Variants in MDGA2 observed in about 807,000 individuals in gnomAD.
MDGA2 encodes the protein MAM domain containing glycosylphosphatidylinositol anchor 2.
In MDGA2, 40 loss-of-function variants were observed where a neutral mutation model predicts 117.8. That is an observed-to-expected ratio of 0.34 (90% CI 0.26 to 0.44). MDGA2 has a LOEUF of 0.44. Among genes scored for constraint, MDGA2 ranks in the 20% least tolerant of loss-of-function variants. The probability of loss-of-function intolerance (pLI) is 1.00; values close to 1 mark genes in which losing one functional copy is unlikely to be tolerated. For missense variants in MDGA2, 1,123 were observed against 1,250.6 expected (o/e 0.90, Z 1.54); for synonymous variants, 452 against 439.0 (o/e 1.03, Z -0.37).
intron 1 of MDGA2, among the ~76,000 whole-genome samples, chr14:47,330,268 A>C (rs1890256513): frequency 6.6e-6 from 1 of 151,938 alleles, no homozygotes; most frequent in African/African-American, 2.4e-5. Context: ...GCTGATACAC[A>C]TTTCAAGAAT....
chr14:47,347,317 A>C (rs532528619), intron 1 of MDGA2, among the ~76,000 whole-genome samples: 34 of 152,204 alleles, frequency 2.2e-4, no homozygotes, highest in Non-Finnish European at 4.3e-4. Context: ...CTGAGGCAAT[A>C]ATGCCCGTAT....
rs182033392 is a variant in MDGA2 at position 47,301,467 on chromosome 14, G to T, written c.364C>A (p.Arg122=). The T allele has an allele frequency of 6.4e-7, 1 of 1,551,718 alleles. No homozygotes were observed. Reference sequence around the variant, plus strand: ...GTCAACTCAAGGGTTTCTCCTTCCCGGATAGTGTAGACCCTTTCGGAGTAG... The same window carrying T: ...GTCAACTCAAGGGTTTCTCCTTCCCTGATAGTGTAGACCCTTTCGGAGTAG... ...ERYSERVYTI[R]EGETLELTCL... The change falls in exon 2 of 17, where the codon CGG becomes AGG. Residue 122 remains arginine (R), a synonymous_variant. Transcript: ENST00000399232.
intron 1 of MDGA2, among the ~76,000 whole-genome samples, chr14:47,518,430 T>C (rs1175304255): frequency 1.3e-5 from 2 of 152,212 alleles, no homozygotes; most frequent in Non-Finnish European, 2.9e-5. Context: ...AAACTTGGTA[T>C]AAACTGTTAT....
chr14:47,256,219 T>G (rs1028443057), intron 2 of MDGA2, among the ~76,000 whole-genome samples: 1 of 151,922 alleles, frequency 6.6e-6, no homozygotes, highest in Non-Finnish European at 1.5e-5. Flanking sequence ...ATGATTAACA[T>G]GGAGTATGTG....
intron 4 of MDGA2, among the ~76,000 whole-genome samples, chr14:47,133,417 C>T (rs771174208): frequency 2.0e-5 from 3 of 151,928 alleles, no homozygotes; most frequent in South Asian, 4.1e-4. Flanking sequence ...CTTTGTCACA[C>T]GTATTGCTCA....
At chr14:47,113,093 T>C (rs866034457) in intron 5 of MDGA2, among the ~76,000 whole-genome samples, 4 of 152,158 alleles carry the variant, frequency 2.6e-5, no homozygotes, top group Non-Finnish European at 4.4e-5. Flanking sequence ...CGGGAATATT[T>C]TTCTCTTATA....
intron 1 of MDGA2, among the ~76,000 whole-genome samples, chr14:47,436,777 C>T (rs1054035043): frequency 1.1e-4 from 16 of 152,066 alleles, no homozygotes; most frequent in African/African-American, 3.9e-4. Context: ...ACAGGCAGCC[C>T]AGTGGCCACG....
At chr14:47,377,777 G>C (rs1044946638) in intron 1 of MDGA2, among the ~76,000 whole-genome samples, 1 of 152,160 alleles carries the variant, frequency 6.6e-6, no homozygotes, top group Non-Finnish European at 1.5e-5. Context: ...GTAGACTCTA[G>C]ATCTGGGGGC....
chr14:47,474,619 T>C (rs1893797699), intron 1 of MDGA2, among the ~76,000 whole-genome samples: 1 of 152,174 alleles, frequency 6.6e-6, no homozygotes, highest in Non-Finnish European at 1.5e-5. Flanking sequence ...AACGTCACGG[T>C]ACTGGTCCAA....
chr14:47,102,905 C>A (rs1237626199), intron 5 of MDGA2, among the ~76,000 whole-genome samples: 1 of 152,120 alleles, frequency 6.6e-6, no homozygotes, highest in Non-Finnish European at 1.5e-5. Context: ...GGCAAGACAC[C>A]CACTGTGTCT....
intron 1 of MDGA2, among the ~76,000 whole-genome samples, chr14:47,404,764 G>A (rs1892227059): frequency 1.3e-5 from 2 of 152,162 alleles, no homozygotes; most frequent in Non-Finnish European, 2.9e-5. Flanking sequence ...AAACTGCTGG[G>A]ATTACAGGTG....
At chr14:47,024,612 AT>A (rs1483674023) in intron 8 of MDGA2, among the ~76,000 whole-genome samples, 1 of 152,214 alleles carries the variant, frequency 6.6e-6, no homozygotes, top group Non-Finnish European at 1.5e-5. Context: ...CTAGAAAAAC[AT>A]TTTAAAACTC....
chr14:47,301,285 CCACACCCACCCACACACA>C (rs1240754206), intron 2 of MDGA2, 108 bp downstream of exon 2: 4 of 889,420 alleles, frequency 4.5e-6, no homozygotes, highest in Non-Finnish European at 6.4e-6. Flanking sequence ...ACACACACAC[CCACACCCACCCACACACA>C]CACACACACA....
At chr14:47,354,012 A>G (rs894672703) in intron 1 of MDGA2, among the ~76,000 whole-genome samples, 24 of 152,202 alleles carry the variant, frequency 1.6e-4, no homozygotes, top group African/African-American at 5.8e-4. Flanking sequence ...ACCCAAATCA[A>G]TAACTGTGAT....
At chr14:47,368,507 A>T (rs1891278322) in intron 1 of MDGA2, among the ~76,000 whole-genome samples, 1 of 152,210 alleles carries the variant, frequency 6.6e-6, no homozygotes. Flanking sequence ...GCAAGAGAGA[A>T]TTAAAATTCT....
intron 7 of MDGA2, among the ~76,000 whole-genome samples, chr14:47,037,825 G>C (rs1414981626): frequency 6.6e-6 from 1 of 152,096 alleles, no homozygotes; most frequent in African/African-American, 2.4e-5. Flanking sequence ...TAACTTTAAA[G>C]ACTAATGGAG....
At chr14:47,090,375 C>T (rs1879579605) in intron 6 of MDGA2, among the ~76,000 whole-genome samples, 1 of 111,160 alleles carries the variant, frequency 9.0e-6, no homozygotes, top group Non-Finnish European at 2.0e-5. Context: ...ACTCTTAGAT[C>T]CTATCCACAA....
At chr14:46,922,116 AG>A in intron 9 of MDGA2, among the ~76,000 whole-genome samples, 1 of 152,310 alleles carries the variant, frequency 6.6e-6, no homozygotes, top group East Asian at 1.9e-4. Flanking sequence ...GGGGGCAAAC[AG>A]AATTTTTAGG....
intron 3 of MDGA2, among the ~76,000 whole-genome samples, chr14:47,205,558 A>G (rs1025541029): frequency 6.6e-6 from 1 of 151,992 alleles, no homozygotes; most frequent in Non-Finnish European, 1.5e-5. Flanking sequence ...TTCATTCTAG[A>G]TGATTTCTGC....
Sources: allele counts gnomAD v4.1 joint callset (sites outside exome capture counted in the v4.1 genomes callset), GRCh38; gene constraint gnomAD v4.1.1; transcripts MANE v1.5; gene names NCBI Gene and HGNC (gene_info 2026-07-23, HGNC 2026-07-21).